TBCK: variants seen among roughly 807,000 people sequenced by gnomAD.
TBCK encodes TBC1 domain containing kinase.
In TBCK, 99 loss-of-function variants were observed where a neutral mutation model predicts 113.4. The ratio of observed to expected loss-of-function variants is 0.87; its 90% CI spans 0.74 to 1.03. The LOEUF is 1.03. TBCK is among the 50% of genes least tolerant of loss of function. The pLI, the probability that TBCK is intolerant of heterozygous loss-of-function variation, is 0.00. For missense variants in TBCK, 1,045 were observed against 1,061.3 expected (o/e 0.98, Z 0.21); for synonymous variants, 369 against 370.8 (o/e 1.00, Z 0.05).
In TBCK at chr4:106,233,656, A is replaced by G; in HGVS notation, c.1450-6T>C. On this transcript the variant is annotated splice_region_variant and splice_polypyrimidine_tract_variant and intron_variant, in intron 15 of 25. Transcript: ENST00000394708. Reference sequence around the variant, plus strand: ...TACTTGGCATGAATAGCTCCCTGCAAAAAATAAAAGAAGATATATTAATTT... The same window carrying G: ...TACTTGGCATGAATAGCTCCCTGCAGAAAATAAAAGAAGATATATTAATTT... The G allele has an allele frequency of 6.3e-7, 1 of 1,599,486 alleles. No homozygotes were observed. The highest frequency in any genetic ancestry group is 8.5e-7 in the Non-Finnish European group (1 of 1,169,632).
chr4:106,199,119 G>C (rs1754589826), intron 20 of TBCK, among the ~76,000 whole-genome samples: 1 of 152,092 alleles, frequency 6.6e-6, no homozygotes, highest in Non-Finnish European at 1.5e-5. Context: ...TCATTAAATA[G>C]TCTCTCAACC....
At chr4:106,199,655 T>C (rs938754647) in intron 20 of TBCK, among the ~76,000 whole-genome samples, 5 of 152,188 alleles carry the variant, frequency 3.3e-5, no homozygotes, top group African/African-American at 1.2e-4. Flanking sequence ...AAATCTCAGT[T>C]AGAAGCAACT....
intron 20 of TBCK, among the ~76,000 whole-genome samples, chr4:106,211,793 T>C (rs1756167062): frequency 6.6e-6 from 1 of 152,072 alleles, no homozygotes; most frequent in African/African-American, 2.4e-5. Context: ...TTCTAGAGTA[T>C]AGCCTTTCAA....
chr4:106,315,711 A>G (rs6856408), intron 1 of TBCK: 26,352 of 152,236 alleles, frequency 0.17, 2,318 homozygotes, highest in South Asian at 0.25. Context: ...CAGAGCGATT[A>G]CTAAGCCTAC....
intron 19 of TBCK, among the ~76,000 whole-genome samples, chr4:106,219,093 C>T (rs1431464634): frequency 6.7e-6 from 1 of 150,352 alleles, no homozygotes; most frequent in Non-Finnish European, 1.5e-5. Flanking sequence ...AATTGGAAAT[C>T]ATCATTCTCA....
At chr4:106,088,371 A>C (rs900649477) in intron 25 of TBCK, among the ~76,000 whole-genome samples, 13 of 152,384 alleles carry the variant, frequency 8.5e-5, no homozygotes, top group African/African-American at 3.1e-4. Flanking sequence ...ATCACTGGTC[A>C]TCAGAGCAAA....
intron 25 of TBCK, among the ~76,000 whole-genome samples, chr4:106,077,895 T>A (rs1738397809): frequency 6.6e-6 from 1 of 152,224 alleles, no homozygotes; most frequent in African/African-American, 2.4e-5. Flanking sequence ...ATCAATGACA[T>A]GCTAAACCAT....
intron 25 of TBCK, among the ~76,000 whole-genome samples, chr4:106,093,931 G>A (rs1344332254): frequency 6.6e-6 from 1 of 152,128 alleles, no homozygotes; most frequent in Non-Finnish European, 1.5e-5. Context: ...TGTCAATGAA[G>A]GTTCATTAGT....
Position 106,236,672 on chromosome 4 carries a change from AT to A in TBCK, c.1220+86del, listed in dbSNP as rs1414778084. The A allele has an allele frequency of 3.8e-6, 4 of 1,060,594 alleles. No individual in the cohort carries two copies. The African/African-American group carries it at 6.6e-5, about 18-fold the overall frequency. The allele number at this position is 1,060,594 out of a possible 1,614,324, so 65.7% of individuals were successfully genotyped here. A position where few individuals can be genotyped will look rare whatever the true frequency, so the allele number is the denominator to read the frequency against. ...GGTTATTATTTTCTATTTAGGAAAC[AT>A]TTTTCAAAGAAAATGTATAAAATTC... On this transcript the variant is annotated intron_variant, in intron 13 of 25. Transcript: ENST00000394708.
In TBCK at chr4:106,046,409, G is replaced by A; in HGVS notation, c.*161C>T. The A allele has an allele frequency of 1.9e-6, 1 of 513,690 alleles. No homozygotes were observed. Among genetic ancestry groups the A allele is most frequent in the Non-Finnish European group, 3.5e-6 (1 of 288,972 alleles). 31.8% of individuals were successfully genotyped at this position (513,690 alleles called of 1,614,324 possible). A position where few individuals can be genotyped will look rare whatever the true frequency, so the allele number is the denominator to read the frequency against. The stretch of plus-strand genomic sequence containing the variant: ...AGTCAAGTTTCTTGCATGGATAACT[G>A]AACATGTGGGTTATGAGATTTTAAA... On this transcript the variant is annotated 3_prime_UTR_variant, in exon 26 of 26. Coordinates refer to ENST00000394708, the MANE Select transcript of TBCK (RefSeq NM_001163435.3).
At position 106,210,051 on chromosome 4, in the gene TBCK, C is replaced by A. The variant is rs377715667; in HGVS notation, c.1860+2699G>T. On this transcript the variant is annotated intron_variant, in intron 20 of 25. Transcript: ENST00000394708. ...TAAAATTTTAATGTGCATTATTGAACTTCTGAATTTCTTGTGAGGAGAGAC... is the reference window on the plus strand; with the variant it reads ...TAAAATTTTAATGTGCATTATTGAAATTCTGAATTTCTTGTGAGGAGAGAC... Among the ~76,000 whole-genome samples, 3 of 152,186 alleles carry A rather than the reference C, an allele frequency of 2.0e-5. No individual in the cohort carries two copies. In the East Asian group the frequency reaches 5.8e-4, roughly 29 times the overall value.
intron 23 of TBCK, among the ~76,000 whole-genome samples, chr4:106,128,174 C>G (rs1405777122): frequency 6.6e-6 from 1 of 152,044 alleles, no homozygotes; most frequent in Non-Finnish European, 1.5e-5. Flanking sequence ...TCAAAGGATA[C>G]AAATATGTAA....
intron 23 of TBCK, among the ~76,000 whole-genome samples, chr4:106,124,258 T>G (rs1216973566): frequency 6.6e-6 from 1 of 152,142 alleles, no homozygotes; most frequent in East Asian, 1.9e-4. Context: ...AATTGCTCAT[T>G]ATCACTGGCC....
intron 23 of TBCK, among the ~76,000 whole-genome samples, chr4:106,170,667 C>A (rs1750879120): frequency 6.6e-6 from 1 of 152,004 alleles, no homozygotes; most frequent in African/African-American, 2.4e-5. Context: ...TATTTATAAA[C>A]TGTGTTTAGT....
rs1356340033 is a variant in TBCK, at chr4:106,235,270, T to G, written c.1448A>C (p.Glu483Ala). The change falls in exon 15 of 26, where the codon GAG (glutamate) becomes GCG (alanine). Residue 483 changes from glutamate to alanine, a missense_variant and splice_region_variant. By Grantham distance (107) the Glu-to-Ala change is moderately radical. Coordinates refer to ENST00000394708, the MANE Select transcript of TBCK (RefSeq NM_001163435.3). ...TCTAACCTTTTCTTTTTTCCTTACC[T>G]CAACTCCCAGAAGAGCAGCCCAGGT... Reference protein sequence around the residue: ...GLTWAALLGVEGAIHAKYDAI... With the variant: ...GLTWAALLGVAGAIHAKYDAI... 17 of 1,594,096 alleles carry G rather than the reference T, an allele frequency of 1.1e-5. No homozygotes were observed. The highest frequency in any genetic ancestry group is 1.4e-5 in the Non-Finnish European group (16 of 1,171,074).
intron 23 of TBCK, among the ~76,000 whole-genome samples, chr4:106,122,360 A>G (rs1215421025): frequency 6.6e-6 from 1 of 151,942 alleles, no homozygotes; most frequent in African/African-American, 2.4e-5. Flanking sequence ...CAATAACAGG[A>G]GCTGAAATTG....
intron 2 of TBCK, among the ~76,000 whole-genome samples, chr4:106,305,725 T>C (rs935773463): frequency 2.0e-5 from 3 of 152,054 alleles, no homozygotes; most frequent in Admixed American, 1.3e-4. Context: ...CAGCACAAGA[T>C]ACAGGTCATA....
intron 20 of TBCK, among the ~76,000 whole-genome samples, chr4:106,195,886 T>G (rs1421083854): frequency 6.6e-6 from 1 of 152,048 alleles, no homozygotes; most frequent in Non-Finnish European, 1.5e-5. Context: ...ATAAATCTCC[T>G]CTATCTATGT....
intron 18 of TBCK, 79 bp from the exon 19 acceptor site, chr4:106,230,525 C>G (rs1338610010): frequency 7.1e-6 from 5 of 699,596 alleles, no homozygotes; most frequent in African/African-American, 1.8e-5. Context: ...TCACTTAGCA[C>G]ATATTCCTTG....
Sources: gnomAD v4.1 joint callset for allele counts (sites outside exome capture counted in the v4.1 genomes callset) on GRCh38, gnomAD v4.1.1 for gene constraint, MANE v1.5 for transcripts, NCBI Gene and HGNC (gene_info 2026-07-23, HGNC 2026-07-21) for gene names.